Variants in CLEC4A observed in about 807,000 individuals in gnomAD.
The protein encoded by CLEC4A is C-type lectin domain family 4 member A.
In CLEC4A, 27 loss-of-function variants were observed where a neutral mutation model predicts 32.7. That is an observed-to-expected ratio of 0.83 (90% confidence interval 0.61 to 1.14). CLEC4A has a LOEUF of 1.14. Among genes scored for constraint, CLEC4A ranks in the 50% most tolerant of loss-of-function variants. The probability of loss-of-function intolerance (pLI) is 0.00; values close to 1 mark genes in which losing one functional copy is unlikely to be tolerated. For missense variants in CLEC4A, 253 were observed against 274.6 expected (o/e 0.92, Z 0.55); for synonymous variants, 89 against 93.7 (o/e 0.95, Z 0.29).
chr12:8,134,096 G>C (rs1446600080), intron 3 of CLEC4A: 10 of 1,588,946 alleles, frequency 6.3e-6, no homozygotes, highest in Non-Finnish European at 8.6e-6. Context: ...TGTGGGTTTC[G>C]GGCACCGCAG....
the CLEC4A span, among the ~76,000 whole-genome samples, chr12:8,109,949 C>T: frequency 1.3e-5 from 2 of 152,004 alleles, no homozygotes; most frequent in African/African-American, 4.8e-5. Flanking sequence ...AGAGGAGAAA[C>T]GGGGAGTAAG....
In CLEC4A at chr12:8,134,976, TTTG is replaced by T. The variant is rs1247890955; in HGVS notation, c.299-606_299-604del. ...GTCTGTATCTTCTTGTTGAAGCGTT[TTTG>T]TTTTTTGTTTTTTTTTAATCATGGC... On this transcript the variant is annotated intron_variant, in intron 3 of 5. Coordinates refer to ENST00000229332, the MANE Select transcript of CLEC4A (RefSeq NM_016184.4). The T allele has an allele frequency of 3.2e-5, 10 of 309,662 alleles. 1 individual carries two copies. The highest frequency in any genetic ancestry group is 5.6e-5 in the African/African-American group (2 of 35,624). The allele number at this position is 309,662 out of a possible 1,614,324, so 19.2% of individuals were successfully genotyped here.
chr12:8,134,350 C>T, intron 3 of CLEC4A: 1 of 1,612,166 alleles, frequency 6.2e-7, no homozygotes, highest in Non-Finnish European at 8.5e-7. Context: ...CCAGGGTGAG[C>T]CACATCGGCC....
At chr12:8,118,131 G>A in the CLEC4A span, among the ~76,000 whole-genome samples, 1 of 152,066 alleles carries the variant, frequency 6.6e-6, no homozygotes, top group African/African-American at 2.4e-5. Flanking sequence ...GTGAGGCTCT[G>A]GTTAGCACTC....
intron 3 of CLEC4A, chr12:8,134,382 C>T: frequency 1.9e-6 from 3 of 1,613,514 alleles, no homozygotes; most frequent in Non-Finnish European, 2.5e-6. Context: ...CAGGGTGATC[C>T]TCTTCTGCTT....
At chr12:8,113,891 G>T in the CLEC4A span, among the ~76,000 whole-genome samples, 1 of 152,222 alleles carries the variant, frequency 6.6e-6, no homozygotes, top group African/African-American at 2.4e-5. Flanking sequence ...AGTGATAAAA[G>T]AGGGGACAAT....
the CLEC4A span, among the ~76,000 whole-genome samples, chr12:8,105,855 A>G: frequency 6.6e-6 from 1 of 152,118 alleles, no homozygotes; most frequent in East Asian, 1.9e-4. Flanking sequence ...TACTCTGTGA[A>G]TAGTTTATTT....
chr12:8,134,242 C>A (rs747459724), intron 3 of CLEC4A: 42 of 1,612,142 alleles, frequency 2.6e-5, no homozygotes, highest in Non-Finnish European at 3.5e-5. Flanking sequence ...CCCACTTCTG[C>A]AGCAAGGGCC....
At chr12:8,134,349 G>A in intron 3 of CLEC4A, 1 of 1,612,084 alleles carries the variant, frequency 6.2e-7, no homozygotes, top group South Asian at 1.1e-5. Context: ...CCCAGGGTGA[G>A]CCACATCGGC....
At chr12:8,123,985 G>C (rs768136096) in intron 1 of CLEC4A, 25 bp downstream of exon 1, 18 of 1,450,080 alleles carry the variant, frequency 1.2e-5, no homozygotes, top group Non-Finnish European at 1.7e-5. Context: ...CTAGGGGTCA[G>C]AGTGAATGAC....
At chr12:8,123,498 T>C, upstream of CLEC4A, 1 of 169,488 alleles carries the variant, frequency 5.9e-6, no homozygotes. Flanking sequence ...GCACAGAAAT[T>C]GTATTTTTTA....
At chr12:8,110,949 C>G in the CLEC4A span, among the ~76,000 whole-genome samples, 2 of 151,990 alleles carry the variant, frequency 1.3e-5, no homozygotes, top group Non-Finnish European at 2.9e-5. Context: ...TCTCCGCTCA[C>G]TACAAGCTCC....
Position 8,138,168 on chromosome 12 carries a change from C to A in CLEC4A, c.595C>A (p.Pro199Thr). The A allele has an allele frequency of 6.2e-7, 1 of 1,614,028 alleles. No homozygotes were observed. Among genetic ancestry groups the A allele is most frequent in the Non-Finnish European group, 8.5e-7 (1 of 1,179,982 alleles). ...CTGGCATCCACGTGAGCCCAGTGAT[C>A]CCAATGAGCGCTGCGTTGTGCTAAA... ...TFWHPREPSD[P>T]NERCVVLNFR... The change falls in exon 6 of 6, where the codon CCC (proline) becomes ACC (threonine). Residue 199 changes from proline (P) to threonine (T), a missense_variant. Physicochemically the swap from Pro to Thr is conservative, Grantham distance 38. Transcript: ENST00000229332.
At position 8,138,123 on chromosome 12, in the gene CLEC4A, C is replaced by CT. The variant is rs754607323; in HGVS notation, c.567-12dup. 6.2e-6 allele frequency: 10 copies of CT among 1,611,616 alleles called. No homozygotes were observed. The highest frequency in any genetic ancestry group is 1.1e-5 in the South Asian group (1 of 90,768). ...CTCTGTTTGAAGAAATGCCCTCATCCTTTTTGTCGCTTTCAGATTCTGGCA... is the reference window on the plus strand; with the variant it reads ...CTCTGTTTGAAGAAATGCCCTCATCCTTTTTTGTCGCTTTCAGATTCTGGCA... On this transcript the variant is annotated splice_polypyrimidine_tract_variant and intron_variant, in intron 5 of 5. Coordinates refer to ENST00000229332, the MANE Select transcript of CLEC4A (RefSeq NM_016184.4).
chr12:8,138,083 T>C lies in CLEC4A; in HGVS notation c.567-57T>C. Reference sequence around the variant, plus strand: ...ATCCCTCGCTCCTCACCCCTGTCTCTAACCCTTTTCAAAGCTCTGTTTGAA... The same window carrying C: ...ATCCCTCGCTCCTCACCCCTGTCTCCAACCCTTTTCAAAGCTCTGTTTGAA... On this transcript the variant is annotated intron_variant, in intron 5 of 5. Transcript: ENST00000229332. The C allele has an allele frequency of 1.9e-6, 3 of 1,570,492 alleles. No homozygotes were observed. In the Admixed American group the frequency reaches 5.5e-5, roughly 29 times the overall value.
In CLEC4A at chr12:8,129,295, A is replaced by G. The variant is rs772659525; in HGVS notation, c.231A>G (p.Glu77=). 1 of 1,605,784 alleles carries G rather than the reference A, an allele frequency of 6.2e-7. No individual in the cohort carries two copies. Among genetic ancestry groups the G allele is most frequent in the Non-Finnish European group, 8.5e-7 (1 of 1,177,566 alleles). ...TTCAAAAATATTCTCAGCTTCTTGAAAAAAAGACTACAAAAGAGCTGGTTC... is the reference window on the plus strand; with the variant it reads ...TTCAAAAATATTCTCAGCTTCTTGAGAAAAAGACTACAAAAGAGCTGGTTC... ...IFFQKYSQLL[E]KKTTKELVHT... Residue 77 remains glutamate, a synonymous_variant, in exon 3 of 6, where the codon GAA becomes GAG. Coordinates refer to ENST00000229332, the MANE Select transcript of CLEC4A (RefSeq NM_016184.4).
the CLEC4A span, among the ~76,000 whole-genome samples, chr12:8,108,594 C>A: frequency 6.6e-6 from 1 of 152,092 alleles, no homozygotes; most frequent in Admixed American, 6.5e-5. Flanking sequence ...GGTCCTTAGC[C>A]TGGGTTTATA....
intron 3 of CLEC4A, chr12:8,134,980 T>TTTTTTG: frequency 1.8e-5 from 5 of 282,568 alleles, no homozygotes; most frequent in Non-Finnish European, 2.7e-5. Context: ...AGCGTTTTTG[T>TTTTTTG]TTTTTGTTTT....
the CLEC4A span, among the ~76,000 whole-genome samples, chr12:8,105,551 C>T: frequency 1.3e-5 from 2 of 151,928 alleles, 1 homozygote; most frequent in Admixed American, 1.3e-4. Flanking sequence ...GGGGTTTCAC[C>T]ATCTTGGCCA....
Sources: gnomAD v4.1 joint callset for allele counts (sites outside exome capture counted in the v4.1 genomes callset) on GRCh38, gnomAD v4.1.1 for gene constraint, MANE v1.5 for transcripts, NCBI Gene and HGNC (gene_info 2026-07-23, HGNC 2026-07-21) for gene names.